TRHDE: variants seen among roughly 807,000 people sequenced by gnomAD.
TRHDE encodes the protein thyrotropin-releasing hormone-degrading ectoenzyme.
Under a neutral mutation model 125.7 loss-of-function variants are expected in TRHDE, and 72 were observed. The ratio of observed to expected loss-of-function variants is 0.57; its 90% CI spans 0.47 to 0.70. TRHDE has a LOEUF of 0.70. Ranked by LOEUF, TRHDE falls within the 30% of genes least tolerant of loss-of-function variation. The pLI is 0.00. For synonymous variants in TRHDE, 509 were observed against 509.1 expected (o/e 1.00, Z 0.00); for missense variants, 1,110 against 1,327.1 (o/e 0.84, Z 2.54).
At chr12:72,404,008 C>T (rs946946816) in intron 3 of TRHDE, among the ~76,000 whole-genome samples, 9 of 152,256 alleles carry the variant, frequency 5.9e-5, no homozygotes, top group Middle Eastern at 3.4e-3. Flanking sequence ...TGCACACAAG[C>T]ACATCTTTGC....
At chr12:72,607,844 C>T (rs1389101855) in intron 12 of TRHDE, among the ~76,000 whole-genome samples, 1 of 152,146 alleles carries the variant, frequency 6.6e-6, no homozygotes, top group Non-Finnish European at 1.5e-5. Context: ...CCTTTCCAAG[C>T]CTTTCCTCTT....
chr12:72,109,103 A>C (rs1875255489), intron 2 of TRHDE, among the ~76,000 whole-genome samples: 1 of 152,076 alleles, frequency 6.6e-6, no homozygotes, highest in South Asian at 2.1e-4. Flanking sequence ...CATTCAACAA[A>C]TGTTTGTTGA....
rs1233906444 is a variant in TRHDE, at chr12:72,562,945, A to T, written c.1947A>T (p.Gly649=). The T allele has an allele frequency of 6.2e-7, 1 of 1,610,682 alleles. No homozygotes were observed. Reference sequence around the variant, plus strand: ...GTTATCCTGTTATCACCATCTTGGGAAACACAACAGCAGAAAATAGAATAA... The same window carrying T: ...GTTATCCTGTTATCACCATCTTGGGTAACACAACAGCAGAAAATAGAATAA... ...QMGYPVITIL[G]NTTAENRIII... is the part of the protein sequence containing the mutation. Residue 649 remains glycine (G), a synonymous_variant, in exon 9 of 19, where the codon GGA becomes GGT. Transcript: ENST00000261180.
chr12:72,582,182 T>C (rs995744409), intron 12 of TRHDE: 3 of 880,758 alleles, frequency 3.4e-6, no homozygotes, highest in East Asian at 1.2e-4. Context: ...GTTTGATGAA[T>C]ATATAAGTTA....
intron 7 of TRHDE, 57 bp downstream of exon 7, chr12:72,542,413 G>A: frequency 1.4e-6 from 2 of 1,453,970 alleles, no homozygotes; most frequent in South Asian, 1.2e-5. Flanking sequence ...ATATTTCACA[G>A]CTTAGGAAAT....
In TRHDE at chr12:72,669,362, G is replaced by A. The variant is rs1357538995; in HGVS notation, c.*6167G>A. On this transcript the variant is annotated 3_prime_UTR_variant, in exon 19 of 19. Coordinates refer to ENST00000261180, the MANE Select transcript of TRHDE (RefSeq NM_013381.3). ...ACTTAACATTTTCAATGGGTTTGCTGTGTGAAGATACAGTCTAAGATAAGT... is the reference window on the plus strand; with the variant it reads ...ACTTAACATTTTCAATGGGTTTGCTATGTGAAGATACAGTCTAAGATAAGT... 2 of 151,842 alleles carry A rather than the reference G, an allele frequency of 1.3e-5. No homozygotes were observed. The highest frequency in any genetic ancestry group is 4.8e-5 in the African/African-American group (2 of 41,412). The allele number at this position is 151,842 out of a possible 1,614,324, so 9.4% of individuals were successfully genotyped here.
At chr12:72,334,328 A>T (rs78832869) in intron 2 of TRHDE, among the ~76,000 whole-genome samples, 1 of 152,232 alleles carries the variant, frequency 6.6e-6, no homozygotes, top group East Asian at 1.9e-4. Flanking sequence ...TAGAACAGAT[A>T]TAAGAACAGT....
chr12:72,646,334 CT>C (rs1874278744), intron 15 of TRHDE, among the ~76,000 whole-genome samples: 2 of 151,362 alleles, frequency 1.3e-5, no homozygotes, highest in South Asian at 2.1e-4. Flanking sequence ...TAATAAAGCC[CT>C]AGAAGTTACA....
chr12:72,233,546 T>C (rs1462814458), intron 2 of TRHDE, among the ~76,000 whole-genome samples: 2 of 152,172 alleles, frequency 1.3e-5, no homozygotes, highest in Admixed American at 6.5e-5. Flanking sequence ...AAATTTGTTT[T>C]CTAAGTTAAA....
rs981835779 is a variant in TRHDE, at chr12:72,663,465, T to C, written c.*270T>C. On this transcript the variant is annotated 3_prime_UTR_variant, in exon 19 of 19. Transcript: ENST00000261180. Reference sequence around the variant, plus strand: ...ATGATTGCTTCAGCTGTACATTCCTTGCTGTACAGGACCAAATATGATAGT... The same window carrying C: ...ATGATTGCTTCAGCTGTACATTCCTCGCTGTACAGGACCAAATATGATAGT... 7.1e-6 allele frequency: 2 copies of C among 280,482 alleles called. No homozygotes were observed. The highest frequency in any genetic ancestry group is 4.4e-5 in the African/African-American group (2 of 45,134). 17.4% of individuals were successfully genotyped at this position (280,482 alleles called of 1,614,324 possible). A position where few individuals can be genotyped will look rare whatever the true frequency, so the allele number is the denominator to read the frequency against.
intron 2 of TRHDE, among the ~76,000 whole-genome samples, chr12:72,337,503 T>G (rs1869881824): frequency 6.6e-6 from 1 of 152,116 alleles, no homozygotes; most frequent in African/African-American, 2.4e-5. Flanking sequence ...GTTTCTCCCC[T>G]TAATTATTTG....
At chr12:72,179,213 A>T (rs1486101085) in intron 2 of TRHDE, among the ~76,000 whole-genome samples, 1 of 152,094 alleles carries the variant, frequency 6.6e-6, no homozygotes, top group African/African-American at 2.4e-5. Context: ...ATAATACTGG[A>T]TTTAATAAGA....
chr12:72,524,842 C>G (rs542981918), intron 6 of TRHDE, among the ~76,000 whole-genome samples: 58 of 152,116 alleles, frequency 3.8e-4, no homozygotes, highest in Non-Finnish European at 7.8e-4. Context: ...AACACTTTGT[C>G]TGAAAGAGGA....
At chr12:72,649,533 T>A (rs550495473) in intron 15 of TRHDE, among the ~76,000 whole-genome samples, 63 of 151,924 alleles carry the variant, frequency 4.1e-4, no homozygotes, top group African/African-American at 1.5e-3. Flanking sequence ...GCAACATAAA[T>A]TGTGGGACTG....
chr12:72,531,834 C>A (rs559499867), intron 6 of TRHDE, among the ~76,000 whole-genome samples: 1 of 152,118 alleles, frequency 6.6e-6, no homozygotes, highest in South Asian at 2.1e-4. Context: ...ATGTTTATTT[C>A]TGCTCCAACA....
rs1194774496 is a variant in TRHDE, at chr12:72,273,062, C to T, written c.419C>T (p.Ser140Leu). ...ERGGNGSLPGSARRNHHAGGD... is the reference protein window; with the variant it reads ...ERGGNGSLPGLARRNHHAGGD... The stretch of plus-strand genomic sequence containing the variant: ...GGCGGCAACGGGAGCCTCCCTGGAT[C>T]GGCCCGGCGCAACCACCACGCAGGC... The change falls in exon 1 of 19, where the codon TCG becomes TTG. Residue 140 changes from serine (S) to leucine (L), a missense_variant. Physicochemically the swap from Ser to Leu is moderately radical, Grantham distance 145. Coordinates refer to ENST00000261180, the MANE Select transcript of TRHDE (RefSeq NM_013381.3). This position sits in a 1 kb window ranked among gnomAD's most constrained non-coding sequence, Gnocchi z 5.3. 2.2e-5 allele frequency: 34 copies of T among 1,526,482 alleles called. No individual in the cohort carries two copies. Among genetic ancestry groups the T allele is most frequent in the Non-Finnish European group, 1.5e-5 (17 of 1,139,508 alleles). The allele number at this position is 1,526,482 out of a possible 1,614,324, so 94.6% of individuals were successfully genotyped here. A position where few individuals can be genotyped will look rare whatever the true frequency, so the allele number is the denominator to read the frequency against.
At chr12:72,102,851 C>T (rs946413381) in intron 1 of TRHDE, among the ~76,000 whole-genome samples, 1 of 152,212 alleles carries the variant, frequency 6.6e-6, no homozygotes, top group African/African-American at 2.4e-5. Context: ...GGTGGGAGTG[C>T]TCTCAGAAGA....
chr12:72,612,201 T>C (rs1240310181), intron 12 of TRHDE, among the ~76,000 whole-genome samples: 1 of 152,108 alleles, frequency 6.6e-6, no homozygotes, highest in Non-Finnish European at 1.5e-5. Context: ...TCAGAATTCT[T>C]CTCCCTCTAG....
intron 2 of TRHDE, among the ~76,000 whole-genome samples, chr12:72,180,190 TTA>T (rs924676608): frequency 3.9e-5 from 6 of 152,042 alleles, no homozygotes; most frequent in African/African-American, 1.2e-4. Context: ...TAAAAAAAAG[TTA>T]TGTTTTTAGA....
Sources: gnomAD v4.1 joint callset for allele counts (sites outside exome capture counted in the v4.1 genomes callset) on GRCh38, gnomAD v4.1.1 for gene constraint, Gnocchi (gnomAD v3.1) non-coding constraint, MANE v1.5 for transcripts, NCBI Gene and HGNC (gene_info 2026-07-23, HGNC 2026-07-21) for gene names.